The following CCR5AS variants were observed in gnomAD, a reference collection of about 807,000 sequenced individuals.
CCR5AS encodes CCR5 antisense RNA.
chr3:46,401,136 A>G (rs1380031202), intron 1 of CCR5AS, among the ~76,000 whole-genome samples: 1 of 152,214 alleles, frequency 6.6e-6, no homozygotes, highest in Non-Finnish European at 1.5e-5. Flanking sequence ...AGAAAAAGTC[A>G]TATGAGCTGA....
chr3:46,405,257 A>G (rs1192776617), intron 1 of CCR5AS, among the ~76,000 whole-genome samples: 1 of 152,212 alleles, frequency 6.6e-6, no homozygotes, highest in Non-Finnish European at 1.5e-5. Flanking sequence ...AGCCAGGGTG[A>G]TCCTGAATTT....
At chr3:46,403,312 A>G (rs547835471) in intron 1 of CCR5AS, among the ~76,000 whole-genome samples, 9 of 152,344 alleles carry the variant, frequency 5.9e-5, no homozygotes, top group Non-Finnish European at 1.2e-4. Flanking sequence ...CTCAAGATCA[A>G]GTTAGATCTC....
intron 2 of CCR5AS, among the ~76,000 whole-genome samples, chr3:46,378,374 C>T (rs1701782624): frequency 6.6e-6 from 1 of 151,852 alleles, no homozygotes; most frequent in Non-Finnish European, 1.5e-5. Flanking sequence ...CTATTTGCCT[C>T]CTTATTGTTA....
chr3:46,387,521 A>G (rs998886563), intron 2 of CCR5AS, among the ~76,000 whole-genome samples: 4 of 152,154 alleles, frequency 2.6e-5, no homozygotes, highest in African/African-American at 9.7e-5. Flanking sequence ...GCTAGAGGCA[A>G]GTGGATTGCT....
At chr3:46,382,560 T>G (rs1161773027) in intron 2 of CCR5AS, among the ~76,000 whole-genome samples, 1 of 152,232 alleles carries the variant, frequency 6.6e-6, no homozygotes, top group Non-Finnish European at 1.5e-5. Flanking sequence ...GCTTCATTAC[T>G]AATAGCAACC....
At chr3:46,383,021 A>G (rs1230026606) in intron 2 of CCR5AS, among the ~76,000 whole-genome samples, 1 of 152,184 alleles carries the variant, frequency 6.6e-6, no homozygotes, top group Non-Finnish European at 1.5e-5. Context: ...CACTTTAATA[A>G]TTTGCTAATA....
chr3:46,406,090 G>A (rs1702044084), intron 1 of CCR5AS, among the ~76,000 whole-genome samples: 1 of 151,980 alleles, frequency 6.6e-6, no homozygotes, highest in Non-Finnish European at 1.5e-5. Flanking sequence ...TGCCCAGGCT[G>A]GCCTCAAACT....
chr3:46,400,035 T>A (rs1272290891), intron 1 of CCR5AS, among the ~76,000 whole-genome samples: 1 of 152,194 alleles, frequency 6.6e-6, no homozygotes, highest in Non-Finnish European at 1.5e-5. Context: ...TCACACAGGC[T>A]GGAGTGTAGT....
chr3:46,381,423 A>G (rs182873493), intron 2 of CCR5AS, among the ~76,000 whole-genome samples: 1 of 152,112 alleles, frequency 6.6e-6, no homozygotes, highest in East Asian at 1.9e-4. Flanking sequence ...TAAATTGTCA[A>G]CTCTTATACA....
At chr3:46,395,710 A>G (rs1412850676) in intron 1 of CCR5AS, among the ~76,000 whole-genome samples, 1 of 152,118 alleles carries the variant, frequency 6.6e-6, no homozygotes, top group Non-Finnish European at 1.5e-5. Context: ...TCTGCCCCCA[A>G]GCCCTGGGCT....
At chr3:46,396,326 A>C (rs919450968) in intron 1 of CCR5AS, among the ~76,000 whole-genome samples, 1 of 151,964 alleles carries the variant, frequency 6.6e-6, no homozygotes, top group Non-Finnish European at 1.5e-5. Context: ...TAAGGGAGTG[A>C]GTGGGCAGTG....
chr3:46,399,462 G>C (rs971285388), intron 1 of CCR5AS, among the ~76,000 whole-genome samples: 1 of 152,188 alleles, frequency 6.6e-6, no homozygotes, highest in Admixed American at 6.5e-5. Flanking sequence ...CCTGGAAGAG[G>C]GGGAGAAGAG....
chr3:46,381,958 G>A (rs1254029139), intron 2 of CCR5AS, among the ~76,000 whole-genome samples: 1 of 152,178 alleles, frequency 6.6e-6, no homozygotes, highest in African/African-American at 2.4e-5. Flanking sequence ...AATTATTTAG[G>A]TGGTTAGTGA....
At chr3:46,384,790 C>T (rs554623644) in intron 2 of CCR5AS, among the ~76,000 whole-genome samples, 1 of 151,978 alleles carries the variant, frequency 6.6e-6, no homozygotes, top group Admixed American at 6.5e-5. Flanking sequence ...GTCCAGGTGC[C>T]TAAAGTAGCA....
chr3:46,367,707 A>G (rs1701613528), intron 3 of CCR5AS, among the ~76,000 whole-genome samples: 1 of 152,190 alleles, frequency 6.6e-6, no homozygotes, highest in South Asian at 2.1e-4. Context: ...AGTAGCTGGG[A>G]CTATAGGGGC....
chr3:46,394,060 T>TACTA (rs1701938877), intron 1 of CCR5AS, among the ~76,000 whole-genome samples: 1 of 152,218 alleles, frequency 6.6e-6, no homozygotes. Flanking sequence ...ACCCCACAGT[T>TACTA]ACTAATTCCA....
chr3:46,402,185 A>G (rs963510378), intron 1 of CCR5AS, among the ~76,000 whole-genome samples: 1 of 152,236 alleles, frequency 6.6e-6, no homozygotes, highest in Non-Finnish European at 1.5e-5. Flanking sequence ...CACTCCCAGT[A>G]AGTACATATA....
chr3:46,391,376 G>A (rs866926664), intron 2 of CCR5AS, among the ~76,000 whole-genome samples: 5 of 152,190 alleles, frequency 3.3e-5, no homozygotes, highest in African/African-American at 4.8e-5. Flanking sequence ...ACCTTAAGGC[G>A]AGGGTAATTA....
At chr3:46,403,403 C>A (rs1702018969) in intron 1 of CCR5AS, among the ~76,000 whole-genome samples, 1 of 152,138 alleles carries the variant, frequency 6.6e-6, no homozygotes, top group Admixed American at 6.5e-5. Context: ...AGCATACAGT[C>A]AAGACAGAAA....
Sources: allele counts gnomAD v4.1 joint callset (sites outside exome capture counted in the v4.1 genomes callset), GRCh38; gene constraint gnomAD v4.1.1; transcripts MANE v1.5; gene names NCBI Gene and HGNC (gene_info 2026-07-23, HGNC 2026-07-21).